Variants in CLCN5 observed in about 807,000 individuals in gnomAD.
The protein encoded by CLCN5 is Cl-/H+ antiporter 5.
CLCN5 carries 17 observed loss-of-function variants against 54.0 expected under a neutral mutation model. That is an observed-to-expected ratio of 0.31 (90% CI 0.22 to 0.47). The LOEUF is 0.47. CLCN5 is among the 20% of genes least tolerant of loss of function. The pLI, the probability that CLCN5 is intolerant of heterozygous loss-of-function variation, is 1.00. For missense variants in CLCN5, 448 were observed against 646.7 expected (o/e 0.69, Z 3.33); for synonymous variants, 222 against 233.0 (o/e 0.95, Z 0.43).
rs1557192931 is a variant in CLCN5 at position 50,080,590 on chromosome X, C to T, written c.604-4C>T. 1 of 1,203,902 alleles carries T rather than the reference C, an allele frequency of 8.3e-7. No individual in the cohort carries two copies. Reference sequence around the variant, plus strand: ...AAACAAGCTTCTTTTTCCCCCTGTTCCAGGGAGCCTTTGCCTACATAGTCA... The same window carrying T: ...AAACAAGCTTCTTTTTCCCCCTGTTTCAGGGAGCCTTTGCCTACATAGTCA... On this transcript the variant is annotated splice_region_variant and splice_polypyrimidine_tract_variant and intron_variant, in intron 7 of 14. Transcript: ENST00000376091.
intron 3 of CLCN5, among the ~76,000 whole-genome samples, chrX:50,025,986 G>T (rs1300945239): frequency 1.8e-5 from 2 of 111,670 alleles, no homozygotes; most frequent in Admixed American, 9.5e-5. Flanking sequence ...ATTGATTATA[G>T]ATCTTTCTTC....
intron 3 of CLCN5, among the ~76,000 whole-genome samples, chrX:49,956,353 C>T (rs181756326): frequency 8.9e-6 from 1 of 112,010 alleles, no homozygotes; most frequent in East Asian, 2.8e-4. Flanking sequence ...TGGTTATAGC[C>T]ACATTTTACT....
chrX:50,059,132 G>A (rs1932811566), intron 4 of CLCN5, among the ~76,000 whole-genome samples: 1 of 112,134 alleles, frequency 8.9e-6, no homozygotes, highest in African/African-American at 3.2e-5. Context: ...TATGACCAAT[G>A]ACTTAAGCTG....
chrX:49,965,234 A>AT (rs1927782927), intron 3 of CLCN5, among the ~76,000 whole-genome samples: 1 of 110,955 alleles, frequency 9.0e-6, no homozygotes, highest in African/African-American at 3.3e-5. Context: ...ATTTTTATCA[A>AT]TTTTTTCAGC....
rs782298089 is a variant in CLCN5, at chrX:49,964,439, C to T, written c.16+39125C>T. On this transcript the variant is annotated intron_variant, in intron 3 of 14. Coordinates refer to ENST00000376091, the MANE Select transcript of CLCN5 (RefSeq NM_001127898.4). ...CACCTTATGAGGTGGATACTGTTTTCACCCCATTGTATAGATGAAGAAACT... is the reference window on the plus strand; with the variant it reads ...CACCTTATGAGGTGGATACTGTTTTTACCCCATTGTATAGATGAAGAAACT... Among the ~76,000 whole-genome samples the T allele has an allele frequency of 4.5e-5, 5 of 111,855 alleles. 1 individual carries two copies. In the East Asian group the frequency reaches 1.4e-3, roughly 32 times the overall value.
In CLCN5 at chrX:50,092,400, G is replaced by A; in HGVS notation, c.*181G>A. 2 of 428,573 alleles carry A rather than the reference G, an allele frequency of 4.7e-6. No individual in the cohort carries two copies. Among genetic ancestry groups the A allele is most frequent in the East Asian group, 3.8e-5 (1 of 26,269 alleles). The allele number at this position is 428,573 out of a possible 1,213,427, so 35.3% of individuals were successfully genotyped here. A position where few individuals can be genotyped will look rare whatever the true frequency, so the allele number is the denominator to read the frequency against. ...TCTCTGGAAATTAATTTTCTCTTTA[G>A]GAGAAATTATAGTTAGGCTTCCATG... On this transcript the variant is annotated 3_prime_UTR_variant, in exon 15 of 15. Transcript: ENST00000376091.
chrX:49,950,782 GTACATGAAATATTTTGA>G (rs1382641770), intron 3 of CLCN5, among the ~76,000 whole-genome samples: 24 of 111,071 alleles, frequency 2.2e-4, no homozygotes, highest in African/African-American at 7.9e-4. Context: ...AAATATTTTG[GTACATGAAATATTTTGA>G]TACAGGCATG....
At chrX:50,019,472 T>C (rs1454897853) in intron 3 of CLCN5, among the ~76,000 whole-genome samples, 31 of 92,843 alleles carry the variant, frequency 3.3e-4, no homozygotes, top group Admixed American at 1.2e-3. Context: ...TTTTTTCTTT[T>C]TTTTTTTTTT....
intron 3 of CLCN5, among the ~76,000 whole-genome samples, chrX:50,001,378 AT>A (rs1343784548): frequency 9.1e-6 from 1 of 109,692 alleles, no homozygotes. Context: ...GTTTCTACTC[AT>A]TTCTCTGTTC....
At position 49,980,170 on chromosome X, in the gene CLCN5, A is replaced by G. The variant is rs782416515; in HGVS notation, c.16+54856A>G. On this transcript the variant is annotated intron_variant, in intron 3 of 14. Coordinates refer to ENST00000376091, the MANE Select transcript of CLCN5 (RefSeq NM_001127898.4). Reference sequence around the variant, plus strand: ...TTTTACACTACAGTGTTAAAATAGTATCTAAATCTAATCCTACTTTTAGGA... The same window carrying G: ...TTTTACACTACAGTGTTAAAATAGTGTCTAAATCTAATCCTACTTTTAGGA... Among the ~76,000 whole-genome samples the G allele has an allele frequency of 1.6e-3, 174 of 111,288 alleles. 1 individual carries two copies. The highest frequency in any genetic ancestry group is 5.2e-3 in the African/African-American group (161 of 30,775).
chrX:50,010,344 G>A (rs1930439002), intron 3 of CLCN5, among the ~76,000 whole-genome samples: 3 of 109,951 alleles, frequency 2.7e-5, no homozygotes, highest in African/African-American at 6.6e-5. Flanking sequence ...GGGCTCAAGC[G>A]ATCCTCCCAC....
At chrX:50,016,659 G>A (rs1202739204) in intron 3 of CLCN5, among the ~76,000 whole-genome samples, 1 of 109,423 alleles carries the variant, frequency 9.1e-6, no homozygotes, top group African/African-American at 3.3e-5. Context: ...AGTGTATAAT[G>A]ACATGCATGA....
rs1170190182 is a variant in CLCN5 at position 50,042,497 on chromosome X, T to A, written c.163+35T>A. On this transcript the variant is annotated intron_variant, in intron 4 of 14. Transcript: ENST00000376091. ...TTGGTGATGATAATTTATCTTAATT[T>A]TTTAAAATTTATGTACAATAAAATT... The A allele has an allele frequency of 4.2e-6, 4 of 941,830 alleles. No homozygotes were observed. In the East Asian group the frequency reaches 1.5e-4, roughly 35 times the overall value. 77.6% of individuals were successfully genotyped at this position (941,830 alleles called of 1,213,427 possible). A position where few individuals can be genotyped will look rare whatever the true frequency, so the allele number is the denominator to read the frequency against.
intron 3 of CLCN5, among the ~76,000 whole-genome samples, chrX:50,029,200 G>A (rs1931565239): frequency 9.0e-6 from 1 of 111,072 alleles, no homozygotes; most frequent in African/African-American, 3.3e-5. Flanking sequence ...TGTGCACAAC[G>A]TGCAGGTTTG....
chrX:50,027,619 G>A (rs782307280), intron 3 of CLCN5, among the ~76,000 whole-genome samples: 1 of 110,507 alleles, frequency 9.0e-6, no homozygotes, highest in Non-Finnish European at 1.9e-5. Context: ...CTTGCGTGTT[G>A]TCCACTTTTT....
chrX:49,942,840 T>G (rs1355425332), intron 3 of CLCN5, among the ~76,000 whole-genome samples: 1 of 109,150 alleles, frequency 9.2e-6, no homozygotes, highest in Non-Finnish European at 1.9e-5. Context: ...GTCTTTGCTA[T>G]TGTGAATAGT....
intron 3 of CLCN5, among the ~76,000 whole-genome samples, chrX:49,968,878 G>A (rs1557175844): frequency 2.5e-5 from 2 of 80,265 alleles, no homozygotes; most frequent in East Asian, 6.4e-4. Context: ...GAGTGAACAG[G>A]CAACCTACAA....
chrX:50,019,490 A>G (rs868958692), intron 3 of CLCN5, among the ~76,000 whole-genome samples: 1 of 18,521 alleles, frequency 5.4e-5, no homozygotes, highest in Non-Finnish European at 1.0e-4. Flanking sequence ...TTTTTTTTTT[A>G]TTATACTCTA....
intron 3 of CLCN5, among the ~76,000 whole-genome samples, chrX:49,927,928 C>T (rs1000032288): frequency 5.4e-5 from 6 of 112,111 alleles, no homozygotes; most frequent in African/African-American, 1.9e-4. Context: ...ACTGCATATT[C>T]TCACTCATAT....
Sources: allele counts gnomAD v4.1 joint callset (sites outside exome capture counted in the v4.1 genomes callset), GRCh38; gene constraint gnomAD v4.1.1; transcripts MANE v1.5; gene names NCBI Gene and HGNC (gene_info 2026-07-23, HGNC 2026-07-21).